CADM2: variants seen among roughly 807,000 people sequenced by gnomAD.
The protein encoded by CADM2 is immunoglobulin superfamily member 4D.
CADM2 carries 12 observed loss-of-function variants against 49.8 expected under a neutral mutation model. That is an observed-to-expected ratio of 0.24 (90% CI 0.15 to 0.39). CADM2 has a LOEUF of 0.39. Among genes scored for constraint, CADM2 ranks in the 10% least tolerant of loss-of-function variants. The pLI is 1.00. For synonymous variants in CADM2, 214 were observed against 175.4 expected (o/e 1.22, Z -1.74); for missense variants, 378 against 492.3 (o/e 0.77, Z 2.20).
At chr3:85,250,153 T>C (rs2042742150) in intron 1 of CADM2, among the ~76,000 whole-genome samples, 1 of 151,754 alleles carries the variant, frequency 6.6e-6, no homozygotes, top group African/African-American at 2.4e-5. Flanking sequence ...TTAGGAATGT[T>C]CTAGCCATTC....
At chr3:85,838,570 G>T (rs1342103775) in intron 3 of CADM2, among the ~76,000 whole-genome samples, 1 of 151,662 alleles carries the variant, frequency 6.6e-6, no homozygotes, top group Non-Finnish European at 1.5e-5. Context: ...TACTTTTTTG[G>T]AGGAGAGGGG....
chr3:86,018,778 C>T (rs1732691054), intron 8 of CADM2, among the ~76,000 whole-genome samples: 1 of 151,732 alleles, frequency 6.6e-6, no homozygotes, highest in Admixed American at 6.6e-5. Context: ...TGGATATTAG[C>T]CCTTTGTCAG....
intron 1 of CADM2, among the ~76,000 whole-genome samples, chr3:85,061,227 T>G (rs1402475141): frequency 6.6e-6 from 1 of 152,164 alleles, no homozygotes; most frequent in Admixed American, 6.5e-5. Context: ...GATGAAAATA[T>G]ACCCTTGTCA....
chr3:85,370,244 A>ATAATAG (rs1417255279), intron 1 of CADM2, among the ~76,000 whole-genome samples: 5 of 147,086 alleles, frequency 3.4e-5, no homozygotes, highest in African/African-American at 1.2e-4. Context: ...AATAATAATA[A>ATAATAG]TAATAATAAT....
At chr3:85,572,427 C>T (rs2062507332) in intron 1 of CADM2, among the ~76,000 whole-genome samples, 1 of 151,998 alleles carries the variant, frequency 6.6e-6, no homozygotes, top group African/African-American at 2.4e-5. Context: ...TAGGGTTCTC[C>T]AGAAAGAAGC....
intron 1 of CADM2, among the ~76,000 whole-genome samples, chr3:85,520,897 G>A (rs993450596): frequency 6.6e-6 from 1 of 151,936 alleles, no homozygotes; most frequent in African/African-American, 2.4e-5. Context: ...TGGCTTCTTA[G>A]TATACTAAAC....
At chr3:85,294,057 C>A (rs7642661) in intron 1 of CADM2, among the ~76,000 whole-genome samples, 101,729 of 150,758 alleles carry the variant, frequency 0.67, 35,191 homozygotes, top group African/African-American at 0.82. Flanking sequence ...CTCAGCCCAA[C>A]ATCTTCTTAA....
At chr3:85,423,843 A>G (rs946315400) in intron 1 of CADM2, among the ~76,000 whole-genome samples, 1 of 152,132 alleles carries the variant, frequency 6.6e-6, no homozygotes, top group African/African-American at 2.4e-5. Context: ...TGTCTACTTA[A>G]GTAGACTTGA....
chr3:85,261,127 T>C (rs1432117626), intron 1 of CADM2, among the ~76,000 whole-genome samples: 1 of 152,098 alleles, frequency 6.6e-6, no homozygotes, highest in Non-Finnish European at 1.5e-5. Flanking sequence ...TTTTTCTTTC[T>C]TTCTTTCTAT....
intron 8 of CADM2, among the ~76,000 whole-genome samples, chr3:85,989,905 C>G (rs1408644316): frequency 6.8e-6 from 1 of 146,870 alleles, no homozygotes; most frequent in Non-Finnish European, 1.5e-5. Context: ...CCCAGCTACT[C>G]AGGAGGCTGA....
At chr3:86,025,181 G>A (rs1733734869) in intron 8 of CADM2, among the ~76,000 whole-genome samples, 2 of 151,802 alleles carry the variant, frequency 1.3e-5, no homozygotes, top group African/African-American at 4.8e-5. Flanking sequence ...TCAGCCTCCT[G>A]AGTAGCTGGG....
intron 1 of CADM2, among the ~76,000 whole-genome samples, chr3:84,961,512 C>T (rs980061173): frequency 6.6e-6 from 1 of 152,146 alleles, no homozygotes; most frequent in African/African-American, 2.4e-5. Context: ...CACAAGTAAC[C>T]CGGGTGTCTG....
intron 1 of CADM2, among the ~76,000 whole-genome samples, chr3:85,587,794 G>GTCACTCC (rs2062986593): frequency 6.6e-6 from 1 of 151,888 alleles, no homozygotes; most frequent in African/African-American, 2.4e-5. Context: ...ACCCAGGCTG[G>GTCACTCC]AGTGCAGTGG....
intron 2 of CADM2, among the ~76,000 whole-genome samples, chr3:85,761,653 G>A (rs2069386842): frequency 6.6e-6 from 1 of 152,020 alleles, no homozygotes; most frequent in South Asian, 2.1e-4. Flanking sequence ...GGGATTACAG[G>A]CGTGAGCCAC....
At chr3:85,992,232 C>CA (rs893699191) in intron 8 of CADM2, 44 of 151,990 alleles carry the variant, frequency 2.9e-4, no homozygotes, top group African/African-American at 9.6e-4. Flanking sequence ...ACTGCTTATA[C>CA]AAAAAAATTG....
chr3:85,413,133 C>T (rs1341630164), intron 1 of CADM2, among the ~76,000 whole-genome samples: 2 of 41,142 alleles, frequency 4.9e-5, no homozygotes, highest in Non-Finnish European at 7.9e-5. Context: ...AGCAAGACTC[C>T]GTCTCAAAAA....
intron 1 of CADM2, among the ~76,000 whole-genome samples, chr3:85,148,028 T>A (rs764416574): frequency 2.6e-5 from 4 of 152,226 alleles, no homozygotes; most frequent in Admixed American, 1.3e-4. Context: ...TTAGAAGTTA[T>A]AAACTTTGTA....
chr3:85,285,494 T>C (rs1372268479), intron 1 of CADM2, among the ~76,000 whole-genome samples: 1 of 152,110 alleles, frequency 6.6e-6, no homozygotes, highest in Non-Finnish European at 1.5e-5. Context: ...AACATGCAAA[T>C]TTTTTGTAAA....
At chr3:85,280,336 C>G (rs1490919438) in intron 1 of CADM2, among the ~76,000 whole-genome samples, 1 of 151,312 alleles carries the variant, frequency 6.6e-6, no homozygotes, top group Non-Finnish European at 1.5e-5. Flanking sequence ...GTTTGTTTTT[C>G]CTTAACTTTT....
Sources: allele counts gnomAD v4.1 joint callset (sites outside exome capture counted in the v4.1 genomes callset), GRCh38; gene constraint gnomAD v4.1.1; transcripts MANE v1.5; gene names NCBI Gene and HGNC (gene_info 2026-07-23, HGNC 2026-07-21).